Variants in PIGK observed in about 807,000 individuals in gnomAD.
PIGK encodes GPI-anchor transamidase.
In PIGK, 42 loss-of-function variants were observed where a neutral mutation model predicts 50.6. The observed-to-expected ratio is 0.83, with a 90% CI of 0.65 to 1.07. The LOEUF (loss-of-function observed/expected upper bound fraction) is 1.07. Ranked by LOEUF, PIGK falls within the 50% of genes least tolerant of loss-of-function variation. The probability of loss-of-function intolerance (pLI) is 0.00; values close to 1 mark genes in which losing one functional copy is unlikely to be tolerated. For synonymous variants in PIGK, 151 were observed against 156.0 expected (o/e 0.97, Z 0.24); for missense variants, 448 against 488.7 (o/e 0.92, Z 0.78).
intron 3 of PIGK, among the ~76,000 whole-genome samples, chr1:77,193,939 T>C (rs1407384053): frequency 2.6e-5 from 4 of 152,124 alleles, no homozygotes; most frequent in Non-Finnish European, 2.9e-5. Context: ...ACTATGCATC[T>C]AACAAAGGTC....
At chr1:77,154,669 A>G (rs368826032) in intron 8 of PIGK, 48 bp from the exon 9 acceptor site, 8 of 1,148,304 alleles carry the variant, frequency 7.0e-6, no homozygotes, top group Non-Finnish European at 8.9e-6. Flanking sequence ...CACATACCAC[A>G]TTTATTAAAT....
At chr1:77,094,627 G>T (rs1557789500) in intron 10 of PIGK, among the ~76,000 whole-genome samples, 3 of 152,094 alleles carry the variant, frequency 2.0e-5, no homozygotes, top group Non-Finnish European at 4.4e-5. Context: ...GACTCCCTGA[G>T]GTTGTAATTT....
intron 9 of PIGK, among the ~76,000 whole-genome samples, chr1:77,149,643 A>G (rs1030216862): frequency 6.6e-6 from 1 of 152,188 alleles, no homozygotes; most frequent in Non-Finnish European, 1.5e-5. Context: ...CTGTAATACA[A>G]TAATAGTATA....
In PIGK at chr1:77,090,970, G is replaced by C. The variant is rs1416396680; in HGVS notation, c.*1404C>G. ...TGACAATCTTGCATGCAATTAAAAGGTAATATTATAAGTGCAAAAGGAAAA... is the reference window on the plus strand; with the variant it reads ...TGACAATCTTGCATGCAATTAAAAGCTAATATTATAAGTGCAAAAGGAAAA... On this transcript the variant is annotated 3_prime_UTR_variant, in exon 11 of 11. Transcript: ENST00000370812. The C allele has an allele frequency of 6.6e-6, 1 of 152,096 alleles. No homozygotes were observed. Among genetic ancestry groups the C allele is most frequent in the African/African-American group, 2.4e-5 (1 of 41,396 alleles). The allele number at this position is 152,096 out of a possible 1,614,324, so 9.4% of individuals were successfully genotyped here. A position where few individuals can be genotyped will look rare whatever the true frequency, so the allele number is the denominator to read the frequency against.
chr1:77,168,269 A>C (rs1655277442), intron 4 of PIGK, among the ~76,000 whole-genome samples: 1 of 152,188 alleles, frequency 6.6e-6, no homozygotes. Flanking sequence ...TCTACATTTA[A>C]AAAGTAGAAA....
intron 10 of PIGK, among the ~76,000 whole-genome samples, chr1:77,116,762 G>A (rs1653984234): frequency 6.6e-6 from 1 of 152,066 alleles, no homozygotes. Flanking sequence ...TGCTGCTGAT[G>A]CCTTTCATAG....
At chr1:77,164,052 A>C in intron 5 of PIGK, 110 bp from the exon 6 acceptor site, 1 of 597,572 alleles carries the variant, frequency 1.7e-6, no homozygotes, top group South Asian at 2.3e-5. Flanking sequence ...GTTATTTTAT[A>C]CTCTAAAATG....
chr1:77,098,265 A>C (rs111354508), intron 10 of PIGK, among the ~76,000 whole-genome samples: 1 of 152,174 alleles, frequency 6.6e-6, no homozygotes, highest in South Asian at 2.1e-4. Flanking sequence ...GATAAAATGT[A>C]GGAGAATCTG....
intron 3 of PIGK, among the ~76,000 whole-genome samples, chr1:77,196,103 A>T (rs1481740788): frequency 6.6e-6 from 1 of 152,172 alleles, no homozygotes; most frequent in Non-Finnish European, 1.5e-5. Context: ...TCCTGCATTA[A>T]TTCACTTAGT....
At chr1:77,135,564 TA>T (rs767568197) in intron 9 of PIGK, among the ~76,000 whole-genome samples, 84 of 152,196 alleles carry the variant, frequency 5.5e-4, no homozygotes, top group Non-Finnish European at 1.0e-3. Flanking sequence ...AGTATTGTTA[TA>T]AACTATTATT....
At chr1:77,121,023 A>C (rs555406293) in intron 10 of PIGK, among the ~76,000 whole-genome samples, 1 of 152,358 alleles carries the variant, frequency 6.6e-6, no homozygotes, top group South Asian at 2.1e-4. Flanking sequence ...TCATCTGGTC[A>C]ACCATCTTAA....
chr1:77,102,086 T>A (rs1337845650), intron 10 of PIGK, among the ~76,000 whole-genome samples: 1 of 152,232 alleles, frequency 6.6e-6, no homozygotes, highest in Non-Finnish European at 1.5e-5. Flanking sequence ...TTGGGCAAAG[T>A]AACTACAGTT....
intron 3 of PIGK, among the ~76,000 whole-genome samples, chr1:77,194,073 T>C (rs1570255204): frequency 6.9e-6 from 1 of 144,466 alleles, no homozygotes; most frequent in Non-Finnish European, 1.6e-5. Flanking sequence ...CCAACAAACA[T>C]AGGAAAAAAT....
At chr1:77,110,746 A>C (rs144553675) in intron 10 of PIGK, among the ~76,000 whole-genome samples, 2,329 of 152,224 alleles carry the variant, frequency 0.015, 56 homozygotes, top group African/African-American at 0.053. Context: ...CAACAAAAGC[A>C]AAAATTGACA....
intron 3 of PIGK, among the ~76,000 whole-genome samples, chr1:77,177,210 G>A (rs967181242): frequency 2.0e-5 from 3 of 152,146 alleles, no homozygotes; most frequent in African/African-American, 7.2e-5. Flanking sequence ...GGTTCACTGA[G>A]GACAGTCAAC....
intron 9 of PIGK, among the ~76,000 whole-genome samples, chr1:77,151,600 A>G (rs1256910968): frequency 6.6e-6 from 1 of 152,146 alleles, no homozygotes; most frequent in African/African-American, 2.4e-5. Context: ...AAAAAAACCT[A>G]AAGAGTCCAC....
rs558239802 is a variant in PIGK at position 77,150,975 on chromosome 1, C to A, written c.986+3474G>T. On this transcript the variant is annotated intron_variant, in intron 9 of 10. Coordinates refer to ENST00000370812, the MANE Select transcript of PIGK (RefSeq NM_005482.3). The stretch of plus-strand genomic sequence containing the variant: ...TTTCAAAAAACTGAAGGAGGGAATA[C>A]TTCCAAATTCATCTATGAGGCTAGC... 4.9e-4 allele frequency among the ~76,000 whole-genome samples: 74 copies of A among 152,210 alleles called. No individual in the cohort carries two copies. In the South Asian group the frequency reaches 0.015, roughly 31 times the overall value.
chr1:77,097,816 T>A (rs1224537105), intron 10 of PIGK, among the ~76,000 whole-genome samples: 1 of 152,150 alleles, frequency 6.6e-6, no homozygotes, highest in Non-Finnish European at 1.5e-5. Context: ...AAAATCATTA[T>A]CTTTCAAGTA....
chr1:77,107,820 A>G (rs1653725774), intron 10 of PIGK, among the ~76,000 whole-genome samples: 1 of 152,194 alleles, frequency 6.6e-6, no homozygotes, highest in Admixed American at 6.5e-5. Context: ...TTCTTGTTGA[A>G]TTGATCCCTA....
Sources: allele counts gnomAD v4.1 joint callset (sites outside exome capture counted in the v4.1 genomes callset), GRCh38; gene constraint gnomAD v4.1.1; transcripts MANE v1.5; gene names NCBI Gene and HGNC (gene_info 2026-07-23, HGNC 2026-07-21).